Variants in PNPLA7 observed in about 807,000 individuals in gnomAD.
PNPLA7 encodes patatin-like phospholipase domain-containing protein 7.
A neutral mutation model predicts 161.7 loss-of-function variants in PNPLA7; 153 were observed. That is an observed-to-expected ratio of 0.95 (90% CI 0.83 to 1.08). The LOEUF (loss-of-function observed/expected upper bound fraction) is 1.08. Among genes scored for constraint, PNPLA7 ranks in the 50% least tolerant of loss-of-function variants. PNPLA7 has a pLI of 0.00. For missense variants in PNPLA7, 1,739 were observed against 1,856.6 expected (o/e 0.94, Z 1.16); for synonymous variants, 809 against 782.1 (o/e 1.03, Z -0.57).
At chr9:137,493,138 A>G in intron 19 of PNPLA7, 56 bp from the exon 20 acceptor site, 2 of 1,559,992 alleles carry the variant, frequency 1.3e-6, no homozygotes, top group Non-Finnish European at 8.8e-7. Context: ...AAACACTGGG[A>G]ACCAAAGACA....
At chr9:137,472,971 T>A (rs959763584) in intron 25 of PNPLA7, among the ~76,000 whole-genome samples, 38 of 147,598 alleles carry the variant, frequency 2.6e-4, no homozygotes, top group African/African-American at 9.1e-4. Context: ...GAAAAAAAAA[T>A]GGTTTAATGG....
chr9:137,519,257 A>G (rs1213525204), intron 11 of PNPLA7, among the ~76,000 whole-genome samples: 2 of 152,260 alleles, frequency 1.3e-5, no homozygotes. Flanking sequence ...ACTCCATCAC[A>G]CAGATCGTCG....
At chr9:137,516,701 C>A in intron 11 of PNPLA7, 2 of 183,414 alleles carry the variant, frequency 1.1e-5, no homozygotes, top group Non-Finnish European at 2.1e-5. Context: ...GCCTGTGGAC[C>A]AAGCTACTCA....
intron 12 of PNPLA7, among the ~76,000 whole-genome samples, chr9:137,513,098 A>G (rs972210285): frequency 6.6e-6 from 1 of 152,254 alleles, no homozygotes; most frequent in Non-Finnish European, 1.5e-5. Flanking sequence ...TATCACCATA[A>G]AGAGTAAGGA....
chr9:137,479,593 A>G (rs1832108136), intron 23 of PNPLA7: 21 of 985,462 alleles, frequency 2.1e-5, no homozygotes, highest in Non-Finnish European at 2.5e-5. Flanking sequence ...AACATACATC[A>G]GAGAGGAGGA....
chr9:137,516,569 G>C (rs1834582288), intron 11 of PNPLA7: 8 of 978,342 alleles, frequency 8.2e-6, no homozygotes, highest in Non-Finnish European at 9.7e-6. Context: ...AACAATTTGG[G>C]AGGCCAAGGT....
chr9:137,518,888 C>T (rs181572440), intron 11 of PNPLA7, among the ~76,000 whole-genome samples: 6 of 130,320 alleles, frequency 4.6e-5, no homozygotes, highest in Non-Finnish European at 9.7e-5. Context: ...TCCATCCTCA[C>T]TCACTCACTC....
At chr9:137,510,209 G>C (rs373821723) in intron 12 of PNPLA7, among the ~76,000 whole-genome samples, 12 of 152,054 alleles carry the variant, frequency 7.9e-5, no homozygotes, top group African/African-American at 2.9e-4. Context: ...CCCTTTCCCC[G>C]GGGAGTTTAG....
At chr9:137,471,347 T>TC (rs1401493395) in intron 25 of PNPLA7, among the ~76,000 whole-genome samples, 1 of 152,172 alleles carries the variant, frequency 6.6e-6, no homozygotes, top group Non-Finnish European at 1.5e-5. Context: ...ACGCCTGTAA[T>TC]CCTAGCACTT....
chr9:137,489,474 C>A (rs1472801123), intron 20 of PNPLA7, among the ~76,000 whole-genome samples: 1 of 152,174 alleles, frequency 6.6e-6, no homozygotes, highest in Non-Finnish European at 1.5e-5. Context: ...CAGGCCACAT[C>A]CATGGTGACC....
intron 4 of PNPLA7, among the ~76,000 whole-genome samples, chr9:137,544,222 C>T (rs1836366058): frequency 6.6e-6 from 1 of 152,230 alleles, no homozygotes; most frequent in Non-Finnish European, 1.5e-5. Flanking sequence ...GGGGCCACTG[C>T]CCACTCTGTC....
chr9:137,550,018 G>T, intron 1 of PNPLA7, 150 bp downstream of exon 1: 1 of 888,344 alleles, frequency 1.1e-6, no homozygotes, highest in Non-Finnish European at 1.8e-6. Context: ...AGCAGAGAGG[G>T]GCCAGATCCA....
At chr9:137,478,617 G>C (rs565668749) in intron 24 of PNPLA7, 6 of 173,438 alleles carry the variant, frequency 3.5e-5, no homozygotes, top group Middle Eastern at 2.5e-3. Context: ...AAAAGTCTCA[G>C]GGCCTTCTGC....
chr9:137,487,838 G>A (rs1832566279), intron 20 of PNPLA7, among the ~76,000 whole-genome samples: 1 of 152,108 alleles, frequency 6.6e-6, no homozygotes, highest in South Asian at 2.1e-4. Flanking sequence ...CATCTCAGGA[G>A]CCTGGGCCAC....
chr9:137,543,317 T>C lies in PNPLA7; in HGVS notation c.506+115A>G. The C allele has an allele frequency of 7.4e-7, 1 of 1,343,430 alleles. No homozygotes were observed. Among genetic ancestry groups the C allele is most frequent in the Non-Finnish European group, 1.0e-6 (1 of 957,194 alleles). The allele number at this position is 1,343,430 out of a possible 1,614,324, so 83.2% of individuals were successfully genotyped here. On this transcript the variant is annotated intron_variant, in intron 6 of 34. Transcript: ENST00000406427. This position sits in a 1 kb window ranked among gnomAD's most constrained non-coding sequence, Gnocchi z 6.9. The stretch of plus-strand genomic sequence containing the variant: ...GGCACAGACACCAGCAGCCCCACGA[T>C]GCGCTTTGCCAACCATTCCCCCAAC...
chr9:137,470,175 C>T (rs1439605402), intron 25 of PNPLA7, among the ~76,000 whole-genome samples: 1 of 151,998 alleles, frequency 6.6e-6, no homozygotes, highest in Non-Finnish European at 1.5e-5. Context: ...CATATCACAC[C>T]CAGCTAATCT....
rs1004187954 is a variant in PNPLA7, at chr9:137,537,906, A to G, written c.747+2736T>C. Among the ~76,000 whole-genome samples, 31 of 152,212 alleles carry G rather than the reference A, an allele frequency of 2.0e-4. No individual in the cohort carries two copies. The highest frequency in any genetic ancestry group is 1.3e-4 in the Admixed American group (2 of 15,286). ...TGCTTAAAGAGAAACGAATCATCCA[A>G]GGTAGGTCGCATACAGATGCCCCGT... On this transcript the variant is annotated intron_variant, in intron 8 of 34. Coordinates refer to ENST00000406427, the MANE Select transcript of PNPLA7 (RefSeq NM_001098537.3). This position sits in a 1 kb window ranked among gnomAD's most constrained non-coding sequence, Gnocchi z 4.5.
rs564201923 is a variant in PNPLA7 at position 137,506,867 on chromosome 9, C to T, written c.1226-784G>A. Reference sequence around the variant, plus strand: ...AGCCCTTCGTGTGCAGCTGCGCATGCGAGCGAGTCATCTGCACTGCGGTTT... The same window carrying T: ...AGCCCTTCGTGTGCAGCTGCGCATGTGAGCGAGTCATCTGCACTGCGGTTT... On this transcript the variant is annotated intron_variant, in intron 12 of 34. Coordinates refer to ENST00000406427, the MANE Select transcript of PNPLA7 (RefSeq NM_001098537.3). Among the ~76,000 whole-genome samples, 7 of 152,386 alleles carry T rather than the reference C, an allele frequency of 4.6e-5. No homozygotes were observed. In the South Asian group the frequency reaches 6.2e-4, roughly 14 times the overall value.
chr9:137,514,372 G>A (rs1223423560), intron 12 of PNPLA7, among the ~76,000 whole-genome samples: 1 of 138,068 alleles, frequency 7.2e-6, no homozygotes, highest in African/African-American at 2.9e-5. Flanking sequence ...CGGATGTTGA[G>A]GTGCCTGGGC....
Sources: allele counts gnomAD v4.1 joint callset (sites outside exome capture counted in the v4.1 genomes callset), GRCh38; gene constraint gnomAD v4.1.1; non-coding constraint Gnocchi (gnomAD v3.1); transcripts MANE v1.5; gene names NCBI Gene and HGNC (gene_info 2026-07-23, HGNC 2026-07-21).